ABCB6: variants seen among roughly 807,000 people sequenced by gnomAD.
ABCB6 encodes the protein ATP-binding cassette sub-family B member 6.
In ABCB6, 87 loss-of-function variants were observed where a neutral mutation model predicts 99.4. The observed-to-expected ratio is 0.88, with a 90% CI of 0.74 to 1.05. ABCB6 has a LOEUF of 1.05. ABCB6 is among the 50% of genes least tolerant of loss of function. The probability of loss-of-function intolerance (pLI) is 0.00; values close to 1 mark genes in which losing one functional copy is unlikely to be tolerated. For synonymous variants in ABCB6, 482 were observed against 447.5 expected (o/e 1.08, Z -0.97); for missense variants, 1,050 against 1,097.9 (o/e 0.96, Z 0.62).
chr2:219,217,819 T>A lies in ABCB6; in HGVS notation c.550-12A>T. ...AGGCTAAACTGAACCTAGAATGAAA[T>A]ATAAGTGGAGAGAGTATCATTGAGG... On this transcript the variant is annotated splice_polypyrimidine_tract_variant and intron_variant, in intron 1 of 18. Transcript: ENST00000265316. 6.2e-7 allele frequency: 1 copy of A among 1,609,494 alleles called. No individual in the cohort carries two copies. The highest frequency in any genetic ancestry group is 2.2e-5 in the East Asian group (1 of 44,836).
At chr2:219,214,238 G>C in intron 7 of ABCB6, 52 bp from the exon 8 acceptor site, 1 of 1,572,702 alleles carries the variant, frequency 6.4e-7, no homozygotes, top group Non-Finnish European at 8.8e-7. Flanking sequence ...CATGGCACTC[G>C]GGTCATTCCC....
chr2:219,216,814 G>A lies in ABCB6; in HGVS notation c.706C>T (p.Gln236Ter). 6.2e-7 allele frequency: 1 copy of A among 1,612,692 alleles called. No homozygotes were observed. The highest frequency in any genetic ancestry group is 1.1e-5 in the South Asian group (1 of 90,958). Reference sequence around the variant, plus strand: ...CTGCCAAAATCTCGCCAGGTAGACTGTTGGGCTGCTGACCGAACCTAGGAT... The same window carrying A: ...CTGCCAAAATCTCGCCAGGTAGACTATTGGGCTGCTGACCGAACCTAGGAT... The part of the protein sequence containing the change: ...ERSQVRSAAQ[Q>*]STWRDFGRKL... Residue 236 changes from glutamine (Q) to a stop codon, truncating the protein, a stop_gained, in exon 3 of 19, where the codon CAG (glutamine) becomes TAG (stop). Coordinates refer to ENST00000265316, the MANE Select transcript of ABCB6 (RefSeq NM_005689.4). LOFTEE classifies it high-confidence loss of function. This position sits in a 1 kb window ranked among gnomAD's most constrained non-coding sequence, Gnocchi z 4.2.
intron 5 of ABCB6, chr2:219,215,408 C>T (rs1950627501): frequency 3.4e-6 from 1 of 291,026 alleles, no homozygotes; most frequent in Non-Finnish European, 6.6e-6. Flanking sequence ...CATATTAGTT[C>T]TGTGAGTCTG....
chr2:219,211,764 A>ATTTTT (rs56903380), intron 14 of ABCB6, among the ~76,000 whole-genome samples: 1 of 132,954 alleles, frequency 7.5e-6, no homozygotes, highest in Non-Finnish European at 1.6e-5. Context: ...TGGCCAGCTA[A>ATTTTT]TTTTTTTTTT....
Position 219,218,862 on chromosome 2 carries a change from G to A in ABCB6, c.-189C>T. ...CGCCCACTCCCCTAGCGCACGCGCC[G>A]CCGCCACGCACTCACGCAGGGCACG... On this transcript the variant is annotated 5_prime_UTR_variant, in exon 1 of 19. Coordinates refer to ENST00000265316, the MANE Select transcript of ABCB6 (RefSeq NM_005689.4). 1 of 597,698 alleles carries A rather than the reference G, an allele frequency of 1.7e-6. No individual in the cohort carries two copies. The highest frequency in any genetic ancestry group is 2.8e-6 in the Non-Finnish European group (1 of 363,006). The allele number at this position is 597,698 out of a possible 1,614,324, so 37.0% of individuals were successfully genotyped here.
At chr2:219,214,079 C>G (rs1265223496) in intron 8 of ABCB6, 42 bp downstream of exon 8, 12 of 1,613,052 alleles carry the variant, frequency 7.4e-6, no homozygotes, top group Admixed American at 3.3e-5. Context: ...TTCTACCAGG[C>G]CAGGGCATTA....
chr2:219,212,353 C>G lies in ABCB6; in HGVS notation c.1968+34G>C, dbSNP rs145805379. 1.9e-6 allele frequency: 3 copies of G among 1,583,082 alleles called. No individual in the cohort carries two copies. In the African/African-American group the frequency reaches 4.0e-5, roughly 21 times the overall value. On this transcript the variant is annotated intron_variant, in intron 14 of 18. Transcript: ENST00000265316. The stretch of plus-strand genomic sequence containing the variant: ...CCTTATCATTCCTCCACACGTAGAC[C>G]CCTAAACCACCGTCTTCTCCAGAGC...
chr2:219,210,049 G>A lies in ABCB6; in HGVS notation c.2421-3C>T, dbSNP rs761310544. 4.3e-6 allele frequency: 7 copies of A among 1,613,682 alleles called. No homozygotes were observed. In the South Asian group the frequency reaches 4.4e-5, roughly 10 times the overall value. On this transcript the variant is annotated splice_region_variant and splice_polypyrimidine_tract_variant and intron_variant, in intron 18 of 18. Coordinates refer to ENST00000265316, the MANE Select transcript of ABCB6 (RefSeq NM_005689.4). ...CTCGGGACAACAGAGCCTCGTGTCT[G>A]GGGTGAGGAGAAAAGTGTGAGTCCT...
chr2:219,213,432 C>T lies in ABCB6; in HGVS notation c.1719+7G>A, dbSNP rs762402413. 2.0e-5 allele frequency: 33 copies of T among 1,614,110 alleles called. No individual in the cohort carries two copies. Among genetic ancestry groups the T allele is most frequent in the Admixed American group, 5.0e-5 (3 of 60,010 alleles). ...TCCCCAAACCCTACTCCTCTCCCTT[C>T]GCTCACTTCTGTCTCCTCTTTCAGC... On this transcript the variant is annotated splice_region_variant and intron_variant, in intron 11 of 18. Transcript: ENST00000265316.
intron 6 of ABCB6, 95 bp downstream of exon 6, chr2:219,214,866 C>G: frequency 6.8e-7 from 1 of 1,473,638 alleles, no homozygotes; most frequent in South Asian, 1.2e-5. Context: ...CAATCCACAG[C>G]CTCCCATAGG....
In ABCB6 at chr2:219,218,855, A is replaced by G; in HGVS notation, c.-182T>C. 1 of 621,238 alleles carries G rather than the reference A, an allele frequency of 1.6e-6. No individual in the cohort carries two copies. Among genetic ancestry groups the G allele is most frequent in the Non-Finnish European group, 2.6e-6 (1 of 384,712 alleles). The allele number at this position is 621,238 out of a possible 1,614,324, so 38.5% of individuals were successfully genotyped here. A position where few individuals can be genotyped will look rare whatever the true frequency, so the allele number is the denominator to read the frequency against. ...GCCTCACCGCCCACTCCCCTAGCGC[A>G]CGCGCCGCCGCCACGCACTCACGCA... On this transcript the variant is annotated 5_prime_UTR_variant, in exon 1 of 19. Coordinates refer to ENST00000265316, the MANE Select transcript of ABCB6 (RefSeq NM_005689.4).
rs1485617413 is a variant in ABCB6 at position 219,213,247 on chromosome 2, G to A, written c.1799C>T (p.Ala600Val). 1 of 1,614,146 alleles carries A rather than the reference G, an allele frequency of 6.2e-7. No individual in the cohort carries two copies. Among genetic ancestry groups the A allele is most frequent in the Non-Finnish European group, 8.5e-7 (1 of 1,180,026 alleles). Residue 600 changes from alanine (A) to valine (V), a missense_variant, in exon 12 of 19, where the codon GCC becomes GTC. Coordinates refer to ENST00000265316, the MANE Select transcript of ABCB6 (RefSeq NM_005689.4). ...IEFENVHFSY[A>V]DGRETLQDVS... ...AGCAAAAGGAAGGCCTCACCCATCGGCATAGCTGAAGTGCACGTTCTCAAA... is the reference window on the plus strand; with the variant it reads ...AGCAAAAGGAAGGCCTCACCCATCGACATAGCTGAAGTGCACGTTCTCAAA...
intron 16 of ABCB6, 74 bp downstream of exon 16, chr2:219,210,637 G>C (rs1277963504): frequency 6.2e-7 from 1 of 1,608,156 alleles, no homozygotes; most frequent in African/African-American, 1.3e-5. Flanking sequence ...TCTGTTCTAG[G>C]TGGGGACAGT....
Position 219,218,207 on chromosome 2 carries a change from A to G in ABCB6, c.467T>C (p.Val156Ala). 6.2e-7 allele frequency: 1 copy of G among 1,613,846 alleles called. No individual in the cohort carries two copies. The highest frequency in any genetic ancestry group is 8.5e-7 in the Non-Finnish European group (1 of 1,180,000). ...HSPGLLLLWT[V>A]AFAAENLALV... ...GGCCAAGTTCTCAGCTGCAAACGCC[A>G]CAGTCCAGAGGAGCAGGAGACCAGG... The change falls in exon 1 of 19, where the codon GTG (valine) becomes GCG (alanine). Residue 156 changes from valine (V) to alanine (A), a missense_variant. Transcript: ENST00000265316.
Position 219,210,034 on chromosome 2 carries a change from C to G in ABCB6, c.2433G>C (p.Leu811=). The part of the protein sequence containing the change: ...CIVERGRHEA[L]LSRGGVYADM... ...CAGCATACACCCCACCTCGGGACAA[C>G]AGAGCCTCGTGTCTGGGGTGAGGAG... Residue 811 remains leucine (L), a synonymous_variant, in exon 19 of 19, where the codon CTG becomes CTC. Transcript: ENST00000265316. 6.2e-7 allele frequency: 1 copy of G among 1,614,108 alleles called. No individual in the cohort carries two copies. Among genetic ancestry groups the G allele is most frequent in the South Asian group, 1.1e-5 (1 of 91,070 alleles).
chr2:219,210,532 A>C (rs1269879761), intron 16 of ABCB6, 57 bp from the exon 17 acceptor site: 2 of 1,601,086 alleles, frequency 1.2e-6, no homozygotes, highest in South Asian at 1.1e-5. Context: ...CAATGGAAGG[A>C]GGCAGGCTGC....
chr2:219,218,452 C>G lies in ABCB6; in HGVS notation c.222G>C (p.Val74=). ...WGAGPRISPY[V]LQLLLATLQA... The stretch of plus-strand genomic sequence containing the variant: ...GAAGTGTGGCCAGAAGCAGCTGCAG[C>G]ACGTAGGGAGAGATGCGAGGGCCGG... Residue 74 remains valine, a synonymous_variant, in exon 1 of 19, where the codon GTG becomes GTC. Coordinates refer to ENST00000265316, the MANE Select transcript of ABCB6 (RefSeq NM_005689.4). The G allele has an allele frequency of 6.2e-7, 1 of 1,609,182 alleles. No individual in the cohort carries two copies. Among genetic ancestry groups the G allele is most frequent in the East Asian group, 2.2e-5 (1 of 44,766 alleles).
chr2:219,213,084 T>C lies in ABCB6; in HGVS notation c.1806-19A>G, dbSNP rs747258692. On this transcript the variant is annotated intron_variant, in intron 12 of 18. Transcript: ENST00000265316. ...CTCCCGCCTGCAAGGAAAGGTGGGG[T>C]TGCTCAGCAGGCACCTTCCATCACC... 8.1e-6 allele frequency: 13 copies of C among 1,612,922 alleles called. No individual in the cohort carries two copies. The Admixed American group carries it at 2.2e-4, about 27-fold the overall frequency.
Position 219,218,904 on chromosome 2 carries a change from GGCCCC to G in ABCB6, c.-236_-232del, listed in dbSNP as rs1950686750. The G allele has an allele frequency of 2.0e-6, 1 of 496,998 alleles. No individual in the cohort carries two copies. Among genetic ancestry groups the G allele is most frequent in the African/African-American group, 2.0e-5 (1 of 48,948 alleles). 30.8% of individuals were successfully genotyped at this position (496,998 alleles called of 1,614,324 possible). ...CAGGGCACGTACGCCGTCTCAGCACGGCCCCGCTGGCTCTGGGCCCGGGACCCTCC... is the reference window on the plus strand; with the variant it reads ...CAGGGCACGTACGCCGTCTCAGCACGGCTGGCTCTGGGCCCGGGACCCTCC... On this transcript the variant is annotated 5_prime_UTR_variant, in exon 1 of 19. Coordinates refer to ENST00000265316, the MANE Select transcript of ABCB6 (RefSeq NM_005689.4).
Sources: gnomAD v4.1 joint callset for allele counts (sites outside exome capture counted in the v4.1 genomes callset) on GRCh38, gnomAD v4.1.1 for gene constraint, Gnocchi (gnomAD v3.1) non-coding constraint, MANE v1.5 for transcripts, NCBI Gene and HGNC (gene_info 2026-07-23, HGNC 2026-07-21) for gene names.